SCHIP1: variants seen among roughly 807,000 people sequenced by gnomAD.
SCHIP1 encodes schwannomin-interacting protein 1.
In SCHIP1, 8 loss-of-function variants were observed where a neutral mutation model predicts 29.7. The ratio of observed to expected loss-of-function variants is 0.27; its 90% CI spans 0.16 to 0.49. The LOEUF is 0.49. Ranked by LOEUF, SCHIP1 falls within the 20% of genes least tolerant of loss-of-function variation. The probability of loss-of-function intolerance (pLI) is 0.99; values close to 1 mark genes in which losing one functional copy is unlikely to be tolerated. For synonymous variants in SCHIP1, 76 were observed against 94.9 expected, an observed-to-expected ratio of 0.80 and a Z score of 1.16; for missense variants, 193 against 294.6, an observed-to-expected ratio of 0.66 and a Z score of 2.52.
chr3:159,616,291 G>A, the SCHIP1 span, among the ~76,000 whole-genome samples: 20 of 152,038 alleles, frequency 1.3e-4, no homozygotes, highest in African/African-American at 4.4e-4. Flanking sequence ...TAGTAGAGAC[G>A]GGGCTTCACC....
At chr3:159,274,714 AT>A in the SCHIP1 span, 1 of 817,832 alleles carries the variant, frequency 1.2e-6, no homozygotes, top group Non-Finnish European at 1.5e-6. Flanking sequence ...AGCTATTCAA[AT>A]TTTTTTCTAA....
chr3:159,400,726 T>C, the SCHIP1 span, among the ~76,000 whole-genome samples: 1 of 152,194 alleles, frequency 6.6e-6, no homozygotes, highest in African/African-American at 2.4e-5. Flanking sequence ...CTGGAAACAA[T>C]AAACAATTGA....
chr3:159,468,771 A>ATG, the SCHIP1 span, among the ~76,000 whole-genome samples: 1 of 126,952 alleles, frequency 7.9e-6, no homozygotes, highest in South Asian at 2.4e-4. Context: ...ATATATATAT[A>ATG]TATATATTTT....
the SCHIP1 span, among the ~76,000 whole-genome samples, chr3:159,601,189 C>G: frequency 6.6e-6 from 1 of 152,088 alleles, no homozygotes. Flanking sequence ...GCAGTGGGCC[C>G]ACTTGGGTCT....
In SCHIP1 at chr3:159,883,163, C is replaced by T. The variant is rs114353700; in HGVS notation, c.150-3044C>T. Reference sequence around the variant, plus strand: ...AGGCTGACTTCCAGCAGCCTTTGTACAGTGCTCTGCTAAATGCCACTTGAA... The same window carrying T: ...AGGCTGACTTCCAGCAGCCTTTGTATAGTGCTCTGCTAAATGCCACTTGAA... On this transcript the variant is annotated intron_variant, in intron 2 of 6. Coordinates refer to ENST00000445224, the Ensembl canonical transcript of SCHIP1. Among the ~76,000 whole-genome samples, 796 of 152,284 alleles carry T rather than the reference C, an allele frequency of 5.2e-3. 11 individuals are homozygous for T. The highest frequency in any genetic ancestry group is 0.018 in the African/African-American group (755 of 41,570).
the SCHIP1 span, among the ~76,000 whole-genome samples, chr3:159,800,643 A>AAAT: frequency 1.3e-5 from 2 of 152,128 alleles, no homozygotes; most frequent in Non-Finnish European, 1.5e-5. Flanking sequence ...TGAAGGTCCT[A>AAAT]GTGACATAAG....
the SCHIP1 span, chr3:159,387,042 A>AGAT: frequency 6.2e-6 from 1 of 161,100 alleles, no homozygotes; most frequent in African/African-American, 2.4e-5. Flanking sequence ...CTGAGGGCAG[A>AGAT]GATGAGGCAC....
the SCHIP1 span, among the ~76,000 whole-genome samples, chr3:159,766,329 A>G: frequency 6.6e-6 from 1 of 152,178 alleles, no homozygotes; most frequent in Non-Finnish European, 1.5e-5. Context: ...TCTATCAGAG[A>G]GCGCCCTTGG....
the SCHIP1 span, among the ~76,000 whole-genome samples, chr3:159,336,073 T>A: frequency 6.6e-6 from 1 of 152,362 alleles, no homozygotes; most frequent in South Asian, 2.1e-4. Flanking sequence ...GTGGTTTTGA[T>A]TTGCATTTCT....
At chr3:159,777,530 C>T in the SCHIP1 span, among the ~76,000 whole-genome samples, 1 of 86,496 alleles carries the variant, frequency 1.2e-5, no homozygotes, top group Non-Finnish European at 2.4e-5. Context: ...ATTTACTTTT[C>T]TCTTTCATCT....
chr3:159,650,777 T>C, the SCHIP1 span, among the ~76,000 whole-genome samples: 1 of 152,188 alleles, frequency 6.6e-6, no homozygotes, highest in Non-Finnish European at 1.5e-5. Flanking sequence ...TGCAAGAGTA[T>C]CTTCAATCTA....
the SCHIP1 span, among the ~76,000 whole-genome samples, chr3:159,342,052 A>C: frequency 1.3e-5 from 2 of 152,286 alleles, no homozygotes; most frequent in South Asian, 4.1e-4. Flanking sequence ...GAATAATAGC[A>C]AAGGTAATCT....
intron 2 of SCHIP1, among the ~76,000 whole-genome samples, chr3:159,879,635 G>A (rs139759604): frequency 3.3e-5 from 5 of 152,264 alleles, no homozygotes; most frequent in Admixed American, 1.3e-4. Context: ...AAGAGGCCTC[G>A]TTCTGGTCTT....
chr3:159,732,390 GTGTCTGATCCTTGCTGC>G, the SCHIP1 span, among the ~76,000 whole-genome samples: 76 of 152,344 alleles, frequency 5.0e-4, no homozygotes, highest in African/African-American at 1.6e-3. Flanking sequence ...GCCCCATCCT[GTGTCTGATCCTTGCTGC>G]TGTGCAGGTG....
the SCHIP1 span, among the ~76,000 whole-genome samples, chr3:159,688,172 C>T: frequency 4.4e-3 from 675 of 152,282 alleles, 9 homozygotes; most frequent in African/African-American, 0.015. Context: ...TGAGGAGTCA[C>T]CACACTGTCA....
chr3:159,468,988 G>A, the SCHIP1 span, among the ~76,000 whole-genome samples: 3 of 151,478 alleles, frequency 2.0e-5, no homozygotes, highest in Admixed American at 6.6e-5. Context: ...GGATGGTCTC[G>A]CTCTCCTGAC....
At chr3:159,800,158 A>T in the SCHIP1 span, among the ~76,000 whole-genome samples, 1 of 152,240 alleles carries the variant, frequency 6.6e-6, no homozygotes, top group Non-Finnish European at 1.5e-5. Context: ...AGCTACATTC[A>T]ACATAAAACA....
the SCHIP1 span, among the ~76,000 whole-genome samples, chr3:159,714,867 T>A: frequency 6.6e-6 from 1 of 152,196 alleles, no homozygotes; most frequent in South Asian, 2.1e-4. Context: ...GACTTAAACG[T>A]CCCTGTCTGA....
the SCHIP1 span, among the ~76,000 whole-genome samples, chr3:159,681,506 G>A: frequency 6.6e-6 from 1 of 151,922 alleles, no homozygotes; most frequent in Non-Finnish European, 1.5e-5. Flanking sequence ...TCATTTCATT[G>A]CAATCATAGC....
Sources: allele counts gnomAD v4.1 joint callset (sites outside exome capture counted in the v4.1 genomes callset), GRCh38; gene constraint gnomAD v4.1.1; transcripts MANE v1.5; gene names NCBI Gene and HGNC (gene_info 2026-07-23, HGNC 2026-07-21).